SNTG1: variants seen among roughly 807,000 people sequenced by gnomAD.
The protein encoded by SNTG1 is gamma-1-syntrophin.
In SNTG1, 39 loss-of-function variants were observed where a neutral mutation model predicts 74.7. That is an observed-to-expected ratio of 0.52 (90% CI 0.40 to 0.68). The LOEUF (loss-of-function observed/expected upper bound fraction) is 0.68, where lower values mean the gene tolerates loss of function less well. Among genes scored for constraint, SNTG1 ranks in the 30% least tolerant of loss-of-function variants. The pLI is 0.00. For synonymous variants in SNTG1, 254 were observed against 217.1 expected (o/e 1.17, Z -1.49); for missense variants, 685 against 609.5 (o/e 1.12, Z -1.30).
intron 13 of SNTG1, among the ~76,000 whole-genome samples, chr8:50,637,113 G>C (rs2131149116): frequency 6.6e-6 from 1 of 152,180 alleles, no homozygotes; most frequent in East Asian, 1.9e-4. Flanking sequence ...CTAATCACAT[G>C]GTCATATCTA....
chr8:50,261,041 AC>A (rs949350420), intron 2 of SNTG1, among the ~76,000 whole-genome samples: 8 of 152,204 alleles, frequency 5.3e-5, no homozygotes, highest in African/African-American at 1.9e-4. Context: ...CAGACTACAT[AC>A]CCAGGAAGTT....
chr8:49,962,003 GC>G (rs1216331151), intron 1 of SNTG1, among the ~76,000 whole-genome samples: 2 of 152,224 alleles, frequency 1.3e-5, no homozygotes, highest in Admixed American at 6.5e-5. Context: ...GTCAATGGCA[GC>G]CGGACAAACA....
intron 9 of SNTG1, among the ~76,000 whole-genome samples, chr8:50,527,678 T>G (rs1191130820): frequency 6.6e-6 from 1 of 152,030 alleles, no homozygotes; most frequent in African/African-American, 2.4e-5. Context: ...TCTTCAACTT[T>G]GAAATCTGTA....
At chr8:50,269,288 A>G (rs2087652205) in intron 2 of SNTG1, among the ~76,000 whole-genome samples, 1 of 152,212 alleles carries the variant, frequency 6.6e-6, no homozygotes, top group Admixed American at 6.5e-5. Flanking sequence ...AGGAAAAGAC[A>G]AACTACAGGT....
chr8:50,134,881 T>C (rs1322649904), intron 1 of SNTG1, among the ~76,000 whole-genome samples: 1 of 152,182 alleles, frequency 6.6e-6, no homozygotes, highest in Non-Finnish European at 1.5e-5. Context: ...GATGATATTC[T>C]TCCAGTGGTT....
At chr8:50,034,175 C>T (rs1300137631) in intron 1 of SNTG1, among the ~76,000 whole-genome samples, 1 of 152,188 alleles carries the variant, frequency 6.6e-6, no homozygotes, top group African/African-American at 2.4e-5. Context: ...TGAGGGTGCT[C>T]TTCCTTCTCA....
rs963673095 is a variant in SNTG1 at position 50,352,487 on chromosome 8, T to C, written c.-27-41725T>C. Among the ~76,000 whole-genome samples, 4 of 152,128 alleles carry C rather than the reference T, an allele frequency of 2.6e-5. No individual in the cohort carries two copies. In the East Asian group the frequency reaches 7.8e-4, roughly 30 times the overall value. ...CTCACTGCAACCTCCACCTCCCAGG[T>C]ACAAGAGATTCTCCTGTCTTAGCCT... On this transcript the variant is annotated intron_variant, in intron 2 of 18. Coordinates refer to ENST00000642720, the MANE Select transcript of SNTG1 (RefSeq NM_018967.5).
chr8:50,330,371 C>T (rs2090915182), intron 2 of SNTG1, among the ~76,000 whole-genome samples: 3 of 152,212 alleles, frequency 2.0e-5, no homozygotes, highest in Admixed American at 6.5e-5. Flanking sequence ...ATAAATTAAC[C>T]AGTGTCAGGT....
intron 1 of SNTG1, among the ~76,000 whole-genome samples, chr8:50,092,463 C>T (rs957336105): frequency 6.6e-5 from 10 of 152,186 alleles, no homozygotes; most frequent in South Asian, 4.1e-4. Flanking sequence ...CCTGACTGAC[C>T]GGCAGGAATG....
At chr8:50,386,126 T>C (rs2092570363) in intron 2 of SNTG1, among the ~76,000 whole-genome samples, 1 of 152,162 alleles carries the variant, frequency 6.6e-6, no homozygotes. Flanking sequence ...AAAACCAATG[T>C]GGTGATTCTG....
intron 17 of SNTG1, among the ~76,000 whole-genome samples, chr8:50,749,291 A>G (rs890908773): frequency 1.3e-5 from 2 of 152,050 alleles, no homozygotes; most frequent in African/African-American, 4.8e-5. Flanking sequence ...GCTGATAAAG[A>G]TGAAGAAGCT....
At chr8:49,922,063 G>A (rs318862) in intron 1 of SNTG1, among the ~76,000 whole-genome samples, 20,041 of 151,990 alleles carry the variant, frequency 0.13, 1,500 homozygotes, top group Middle Eastern at 0.2. Flanking sequence ...AAATTTTGGA[G>A]CATGAAGAAT....
At chr8:50,389,325 T>C (rs2092621874) in intron 2 of SNTG1, among the ~76,000 whole-genome samples, 1 of 152,154 alleles carries the variant, frequency 6.6e-6, no homozygotes, top group Non-Finnish European at 1.5e-5. Flanking sequence ...CATGAATGAT[T>C]GGTTATTGGA....
chr8:50,221,282 C>T (rs1187660926), intron 2 of SNTG1, among the ~76,000 whole-genome samples: 1 of 151,574 alleles, frequency 6.6e-6, no homozygotes. Flanking sequence ...GTGGGAAATG[C>T]AAGACTTAAA....
At chr8:50,223,985 T>A (rs969082290) in intron 2 of SNTG1, among the ~76,000 whole-genome samples, 2 of 151,934 alleles carry the variant, frequency 1.3e-5, no homozygotes, top group Non-Finnish European at 1.5e-5. Context: ...AATAAAAAAA[T>A]AGTAAAATTG....
chr8:50,436,157 A>T (rs559100400), intron 4 of SNTG1, among the ~76,000 whole-genome samples: 116 of 152,266 alleles, frequency 7.6e-4, no homozygotes, highest in Non-Finnish European at 1.3e-3. Context: ...AAGACAACTG[A>T]TATGGGTTGT....
chr8:50,084,327 A>T (rs203924), intron 1 of SNTG1, among the ~76,000 whole-genome samples: 2 of 152,046 alleles, frequency 1.3e-5, no homozygotes, highest in Non-Finnish European at 2.9e-5. Flanking sequence ...CTGGCATGGT[A>T]GTGGGCACCT....
intron 2 of SNTG1, among the ~76,000 whole-genome samples, chr8:50,215,065 T>C (rs1370664281): frequency 6.6e-6 from 1 of 151,934 alleles, no homozygotes; most frequent in Non-Finnish European, 1.5e-5. Context: ...GCAGGGTGGG[T>C]TCTCATCTTG....
chr8:50,487,029 G>C (rs2093801790), intron 8 of SNTG1, among the ~76,000 whole-genome samples: 1 of 152,124 alleles, frequency 6.6e-6, no homozygotes, highest in African/African-American at 2.4e-5. Context: ...TAAGCTTTTT[G>C]ATGTGCTGCT....
Sources: allele counts gnomAD v4.1 joint callset (sites outside exome capture counted in the v4.1 genomes callset), GRCh38; gene constraint gnomAD v4.1.1; transcripts MANE v1.5; gene names NCBI Gene and HGNC (gene_info 2026-07-23, HGNC 2026-07-21).